Variants in EPB41L4B observed in about 807,000 individuals in gnomAD.
The protein encoded by EPB41L4B is erythrocyte membrane protein band 4.1 like 4B.
EPB41L4B carries 30 observed loss-of-function variants against 112.5 expected under a neutral mutation model. The observed-to-expected ratio is 0.27, with a 90% CI of 0.20 to 0.36. The LOEUF (loss-of-function observed/expected upper bound fraction) is 0.36, where lower values mean the gene tolerates loss of function less well. Ranked by LOEUF, EPB41L4B falls within the 10% of genes least tolerant of loss-of-function variation. The pLI, the probability that EPB41L4B is intolerant of heterozygous loss-of-function variation, is 1.00. For missense variants in EPB41L4B, 1,024 were observed against 1,133.3 expected (o/e 0.90, Z 1.38); for synonymous variants, 408 against 439.7 (o/e 0.93, Z 0.90).
At chr9:109,188,755 A>G (rs1564252760) in intron 22 of EPB41L4B, among the ~76,000 whole-genome samples, 2 of 152,190 alleles carry the variant, frequency 1.3e-5, no homozygotes, top group Non-Finnish European at 2.9e-5. Context: ...GTCCTTCCAG[A>G]CACATGAACT....
intron 1 of EPB41L4B, among the ~76,000 whole-genome samples, chr9:109,303,782 G>C (rs1026024582): frequency 3.3e-5 from 5 of 151,978 alleles, no homozygotes; most frequent in Middle Eastern, 3.4e-3. Flanking sequence ...CTAGGATTAT[G>C]GTTGTGAACC....
chr9:109,258,915 A>G (rs1835091058), intron 6 of EPB41L4B, among the ~76,000 whole-genome samples: 3 of 152,178 alleles, frequency 2.0e-5, no homozygotes, highest in Admixed American at 2.0e-4. Flanking sequence ...GATCCGAGCA[A>G]GAAGCCCAAT....
intron 1 of EPB41L4B, among the ~76,000 whole-genome samples, chr9:109,289,448 C>T (rs1243307439): frequency 6.6e-6 from 1 of 152,222 alleles, no homozygotes; most frequent in African/African-American, 2.4e-5. Flanking sequence ...AGCACCCTGC[C>T]CTATTCATAT....
At chr9:109,265,217 T>C (rs1266662730) in intron 4 of EPB41L4B, among the ~76,000 whole-genome samples, 193 bp from the exon 5 acceptor site, 1 of 152,112 alleles carries the variant, frequency 6.6e-6, no homozygotes, top group Non-Finnish European at 1.5e-5. Flanking sequence ...AGAACCACGC[T>C]AGGAAGGTGA....
At chr9:109,210,992 G>C (rs1328458942) in intron 17 of EPB41L4B, among the ~76,000 whole-genome samples, 1 of 152,226 alleles carries the variant, frequency 6.6e-6, no homozygotes, top group East Asian at 1.9e-4. Flanking sequence ...GAAATGATCA[G>C]ATGTATATTT....
intron 4 of EPB41L4B, among the ~76,000 whole-genome samples, chr9:109,265,361 A>G (rs553942239): frequency 1.3e-5 from 2 of 152,352 alleles, no homozygotes; most frequent in East Asian, 3.9e-4. Flanking sequence ...AACATGTCCA[A>G]TAACCCAGGC....
intron 15 of EPB41L4B, among the ~76,000 whole-genome samples, chr9:109,218,414 C>A (rs537654707): frequency 5.9e-5 from 9 of 152,260 alleles, no homozygotes; most frequent in African/African-American, 2.2e-4. Flanking sequence ...GCATGAACCA[C>A]CGCACCCAGC....
intron 1 of EPB41L4B, among the ~76,000 whole-genome samples, chr9:109,310,016 C>T (rs1837357782): frequency 6.6e-6 from 1 of 152,156 alleles, no homozygotes; most frequent in Admixed American, 6.5e-5. Flanking sequence ...GGTACACACC[C>T]AGGATAGATG....
chr9:109,311,597 G>T (rs1020392149), intron 1 of EPB41L4B, among the ~76,000 whole-genome samples: 4 of 152,204 alleles, frequency 2.6e-5, no homozygotes, highest in African/African-American at 9.6e-5. Context: ...TTGGGGAAAA[G>T]AACCTGCAAA....
At chr9:109,200,208 A>G (rs1484631392) in intron 20 of EPB41L4B, 28 bp downstream of exon 20, 12 of 1,569,820 alleles carry the variant, frequency 7.6e-6, no homozygotes, top group Non-Finnish European at 7.9e-6. Flanking sequence ...AGTTGTTTTA[A>G]TTGAAAAAGT....
chr9:109,186,502 T>C (rs571442502), intron 22 of EPB41L4B, among the ~76,000 whole-genome samples: 2 of 147,772 alleles, frequency 1.4e-5, no homozygotes, highest in East Asian at 4.1e-4. Flanking sequence ...AGAGACAGGG[T>C]CTTGCTCTGT....
chr9:109,220,892 C>CAT (rs1833551479), intron 15 of EPB41L4B, among the ~76,000 whole-genome samples: 1 of 152,180 alleles, frequency 6.6e-6, no homozygotes, highest in African/African-American at 2.4e-5. Flanking sequence ...AGAGTATCCA[C>CAT]CCTCTTCATG....
Position 109,194,374 on chromosome 9 carries a change from T to C in EPB41L4B, c.2069A>G (p.Asp690Gly). ...GGTCACTCCCACTGCCTCGGCCAGG[T>C]CTGGAGGGAGGTCGTCTTCATCACT... ...YSFDEDDLPP[D>G]LAEAVGVTTS... Residue 690 changes from aspartate (D) to glycine (G), a missense_variant, in exon 21 of 26, where the codon GAC becomes GGC. Asp to Gly is a moderately conservative substitution (Grantham distance 94). Coordinates refer to ENST00000374566, the MANE Select transcript of EPB41L4B (RefSeq NM_019114.5). 1 of 1,614,146 alleles carries C rather than the reference T, an allele frequency of 6.2e-7. No homozygotes were observed. Among genetic ancestry groups the C allele is most frequent in the Non-Finnish European group, 8.5e-7 (1 of 1,180,026 alleles).
chr9:109,204,929 G>T (rs967406806), intron 18 of EPB41L4B, among the ~76,000 whole-genome samples: 2 of 152,148 alleles, frequency 1.3e-5, no homozygotes, highest in Non-Finnish European at 2.9e-5. Context: ...ATACTTGGCT[G>T]TGCATCAACC....
intron 2 of EPB41L4B, among the ~76,000 whole-genome samples, chr9:109,271,243 T>C (rs1208127960): frequency 3.3e-5 from 5 of 152,162 alleles, no homozygotes; most frequent in Admixed American, 1.3e-4. Context: ...CTGGGCTCCA[T>C]CCTTCCTGCT....
At chr9:109,213,494 C>T (rs889972665) in intron 17 of EPB41L4B, among the ~76,000 whole-genome samples, 6 of 152,142 alleles carry the variant, frequency 3.9e-5, no homozygotes, top group Admixed American at 6.5e-5. Context: ...ACACTGGGAA[C>T]GACGCCTAAT....
rs535137283 is a variant in EPB41L4B at position 109,185,515 on chromosome 9, T to C, written c.2392A>G (p.Met798Val). The part of the protein sequence containing the change: ...PMKEETTGVC[M>V]YPPIKTRLIK... ...AGCCTCGTTTTGATTGGAGGGTACA[T>C]GCAAACTCCAGTGGTCTCTTCCTTC... The change falls in exon 23 of 26, where the codon ATG (methionine) becomes GTG (valine). Residue 798 changes from methionine to valine, a missense_variant. Met to Val is a conservative substitution (Grantham distance 21, BLOSUM62 1). Transcript: ENST00000374566. 2 of 1,613,936 alleles carry C rather than the reference T, an allele frequency of 1.2e-6. No homozygotes were observed. Among genetic ancestry groups the C allele is most frequent in the South Asian group, 1.1e-5 (1 of 91,062 alleles).
chr9:109,318,473 A>G (rs1260205175), intron 1 of EPB41L4B, among the ~76,000 whole-genome samples: 1 of 152,090 alleles, frequency 6.6e-6, no homozygotes, highest in Non-Finnish European at 1.5e-5. Flanking sequence ...CAAGCAATAC[A>G]TTTTATAAAC....
rs951333155 is a variant in EPB41L4B at position 109,256,495 on chromosome 9, T to C, written c.753-15A>G. Reference sequence around the variant, plus strand: ...GGCTCTTTCCCCTTAGAAAAACCAATGGAAATACATGTAAACTGCGACTCG... The same window carrying C: ...GGCTCTTTCCCCTTAGAAAAACCAACGGAAATACATGTAAACTGCGACTCG... On this transcript the variant is annotated splice_polypyrimidine_tract_variant and intron_variant, in intron 7 of 25. Coordinates refer to ENST00000374566, the MANE Select transcript of EPB41L4B (RefSeq NM_019114.5). 1.4e-5 allele frequency: 23 copies of C among 1,609,670 alleles called. No homozygotes were observed. Among genetic ancestry groups the C allele is most frequent in the Middle Eastern group, 1.6e-4 (1 of 6,074 alleles).
Sources: allele counts gnomAD v4.1 joint callset (sites outside exome capture counted in the v4.1 genomes callset), GRCh38; gene constraint gnomAD v4.1.1; transcripts MANE v1.5; gene names NCBI Gene and HGNC (gene_info 2026-07-23, HGNC 2026-07-21).